Variants in MAD1L1 observed in about 807,000 individuals in gnomAD.
The protein encoded by MAD1L1 is mitotic arrest deficient 1 like 1.
In MAD1L1, 95 loss-of-function variants were observed where a neutral mutation model predicts 96.9. That is an observed-to-expected ratio of 0.98 (90% confidence interval 0.83 to 1.16). MAD1L1 has a LOEUF of 1.16. Ranked by LOEUF, MAD1L1 falls within the 50% of genes most tolerant of loss-of-function variation. The probability of loss-of-function intolerance (pLI) is 0.00; values close to 1 mark genes in which losing one functional copy is unlikely to be tolerated. For synonymous variants in MAD1L1, 473 were observed against 396.6 expected (o/e 1.19, Z -2.29); for missense variants, 1,007 against 954.4 (o/e 1.06, Z -0.73).
At position 2,014,667 on chromosome 7, in the gene MAD1L1, C is replaced by T. The variant is rs1351491913; in HGVS notation, c.1219-25G>A. ...CCTGTGGACACAGAGGGCAGCTGAT[C>T]AGGACCCGGGACGGGGGATGAGGTA... is the stretch of plus-strand genomic sequence containing the variant. On this transcript the variant is annotated intron_variant, in intron 12 of 18. Coordinates refer to ENST00000265854, the MANE Select transcript of MAD1L1 (RefSeq NM_001013836.2). 4 of 1,590,292 alleles carry T rather than the reference C, an allele frequency of 2.5e-6. No homozygotes were observed. In the South Asian group the frequency reaches 3.4e-5, roughly 13 times the overall value.
intron 18 of MAD1L1, among the ~76,000 whole-genome samples, chr7:1,867,117 C>T (rs552748682): frequency 3.9e-5 from 6 of 152,210 alleles, no homozygotes; most frequent in East Asian, 3.9e-4. Context: ...CAAGCTGGGG[C>T]GAAGTGGGAG....
At chr7:1,885,988 T>C (rs758704557) in intron 18 of MAD1L1, among the ~76,000 whole-genome samples, 3 of 152,194 alleles carry the variant, frequency 2.0e-5, no homozygotes, top group Non-Finnish European at 4.4e-5. Context: ...CCTCCTCTCC[T>C]CCACCAGGTC....
At chr7:2,097,021 T>C (rs1383753255) in intron 11 of MAD1L1, among the ~76,000 whole-genome samples, 2 of 151,940 alleles carry the variant, frequency 1.3e-5, no homozygotes, top group African/African-American at 4.8e-5. Flanking sequence ...TGGACCACAG[T>C]TGACATGGTT....
At chr7:1,889,392 T>C (rs1583670141) in intron 18 of MAD1L1, among the ~76,000 whole-genome samples, 1 of 152,222 alleles carries the variant, frequency 6.6e-6, no homozygotes, top group East Asian at 1.9e-4. Context: ...CGGGCACTCT[T>C]GCCATTTCCC....
intron 11 of MAD1L1, among the ~76,000 whole-genome samples, chr7:2,110,009 T>A (rs912466910): frequency 3.3e-5 from 5 of 152,276 alleles, no homozygotes; most frequent in Admixed American, 6.5e-5. Context: ...CAGACCCAGC[T>A]GCGCAGGCCG....
At chr7:2,046,109 C>T (rs939571296) in intron 12 of MAD1L1, among the ~76,000 whole-genome samples, 1 of 152,128 alleles carries the variant, frequency 6.6e-6, no homozygotes, top group Non-Finnish European at 1.5e-5. Context: ...AGCCCCAGGC[C>T]GAGCCCTGCA....
chr7:2,028,600 G>A (rs576443447), intron 12 of MAD1L1, among the ~76,000 whole-genome samples: 33 of 152,208 alleles, frequency 2.2e-4, no homozygotes, highest in African/African-American at 7.2e-4. Flanking sequence ...GTGAAGAGGC[G>A]GATGGCCAGG....
chr7:1,875,208 C>T (rs952780901), intron 18 of MAD1L1, among the ~76,000 whole-genome samples: 1 of 152,216 alleles, frequency 6.6e-6, no homozygotes, highest in African/African-American at 2.4e-5. Context: ...TTCCCAGGGG[C>T]CCTGCTGCTG....
intron 12 of MAD1L1, among the ~76,000 whole-genome samples, chr7:2,030,682 G>C (rs909975856): frequency 7.2e-5 from 11 of 152,240 alleles, no homozygotes; most frequent in African/African-American, 2.7e-4. Flanking sequence ...AGAATGAGGA[G>C]AAACGGTCTC....
Position 2,014,607 on chromosome 7 carries a change from G to A in MAD1L1, c.1254C>T (p.Tyr418=), listed in dbSNP as rs552851020. The A allele has an allele frequency of 6.7e-4, 1,079 of 1,612,408 alleles. 10 individuals carry two copies. The South Asian group carries it at 0.011, about 16-fold the overall frequency. ...RDGMRAILGS[Y]DSELTPAEYS... ...ACTCGGCCGGGGTCAGCTCGCTGTCGTAGGACCCCAGGATGGCCCGCATAC... is the reference window on the plus strand; with the variant it reads ...ACTCGGCCGGGGTCAGCTCGCTGTCATAGGACCCCAGGATGGCCCGCATAC... Residue 418 remains tyrosine, a synonymous_variant, in exon 13 of 19, where the codon TAC becomes TAT. Transcript: ENST00000265854.
chr7:2,229,824 C>A (rs138647497), intron 3 of MAD1L1, among the ~76,000 whole-genome samples, 160 bp downstream of exon 3: 2 of 152,266 alleles, frequency 1.3e-5, no homozygotes, highest in African/African-American at 4.8e-5. Context: ...CCAGCTACGA[C>A]CCCAAAATGA....
At chr7:2,178,498 A>AACCTCAGGATACTGGGAGG in intron 10 of MAD1L1, among the ~76,000 whole-genome samples, 1 of 152,362 alleles carries the variant, frequency 6.6e-6, no homozygotes, top group Non-Finnish European at 1.5e-5. Flanking sequence ...GAAAGACAGG[A>AACCTCAGGATACTGGGAGG]ACCTCAGGAT....
In MAD1L1 at chr7:2,222,771, A is replaced by G. The variant is rs779997972; in HGVS notation, c.292-17T>C. ...GACCTCACGCTGTTAAGAGAGCAAG[A>G]GTCAGATGCCACGTGCCGCCCACGG... On this transcript the variant is annotated splice_polypyrimidine_tract_variant and intron_variant, in intron 4 of 18. Coordinates refer to ENST00000265854, the MANE Select transcript of MAD1L1 (RefSeq NM_001013836.2). 45 of 1,569,158 alleles carry G rather than the reference A, an allele frequency of 2.9e-5. No individual in the cohort carries two copies. In the Middle Eastern group the frequency reaches 5.2e-4, roughly 18 times the overall value.
At chr7:2,034,293 A>G (rs1783365901) in intron 12 of MAD1L1, among the ~76,000 whole-genome samples, 1 of 151,018 alleles carries the variant, frequency 6.6e-6, no homozygotes. Context: ...CTAGGCTCAC[A>G]GCAACCTTTG....
intron 12 of MAD1L1, among the ~76,000 whole-genome samples, chr7:2,053,383 G>A (rs970491242): frequency 2.0e-5 from 3 of 152,230 alleles, no homozygotes; most frequent in African/African-American, 7.2e-5. Flanking sequence ...ACCTCCTGTA[G>A]GTGAAGGAGT....
At chr7:2,070,368 A>G (rs1157236793) in intron 11 of MAD1L1, among the ~76,000 whole-genome samples, 1 of 152,136 alleles carries the variant, frequency 6.6e-6, no homozygotes, top group Non-Finnish European at 1.5e-5. Flanking sequence ...AGGGTGAGTC[A>G]GGACTCCACC....
At chr7:1,940,919 G>C (rs990107816) in intron 16 of MAD1L1, among the ~76,000 whole-genome samples, 19 of 38,062 alleles carry the variant, frequency 5.0e-4, no homozygotes, top group South Asian at 1.2e-3. Context: ...ACCCAGAGCA[G>C]TGAGACCCTC....
chr7:2,121,993 G>A (rs566366470), intron 11 of MAD1L1, among the ~76,000 whole-genome samples: 1 of 152,278 alleles, frequency 6.6e-6, no homozygotes, highest in East Asian at 1.9e-4. Context: ...AAGACCCTGG[G>A]TGTTAAAAGT....
intron 10 of MAD1L1, among the ~76,000 whole-genome samples, chr7:2,150,609 G>A (rs900810975): frequency 6.6e-6 from 1 of 152,198 alleles, no homozygotes; most frequent in Non-Finnish European, 1.5e-5. Flanking sequence ...ACGGCACAGA[G>A]GACAGCTGGA....
Sources: gnomAD v4.1 joint callset for allele counts (sites outside exome capture counted in the v4.1 genomes callset) on GRCh38, gnomAD v4.1.1 for gene constraint, MANE v1.5 for transcripts, NCBI Gene and HGNC (gene_info 2026-07-23, HGNC 2026-07-21) for gene names.